Variants in ZXDC observed in about 807,000 individuals in gnomAD.
ZXDC encodes the protein zinc finger protein ZXDC.
ZXDC carries 58 observed loss-of-function variants against 63.6 expected under a neutral mutation model. The ratio of observed to expected loss-of-function variants is 0.91; its 90% confidence interval spans 0.74 to 1.13. The LOEUF (loss-of-function observed/expected upper bound fraction) is 1.13, where lower values mean the gene tolerates loss of function less well. Ranked by LOEUF, ZXDC falls within the 50% of genes most tolerant of loss-of-function variation. ZXDC has a pLI of 0.00. For synonymous variants in ZXDC, 561 were observed against 496.1 expected, an observed-to-expected ratio of 1.13 and a Z score of -1.74; for missense variants, 1,133 against 1,148.9, an observed-to-expected ratio of 0.99 and a Z score of 0.20.
chr3:126,442,563 G>A (rs1408883357), intron 7 of ZXDC: 1 of 152,218 alleles, frequency 6.6e-6, no homozygotes, highest in Admixed American at 6.5e-5. Context: ...GGCTCACCCT[G>A]ACCCGCCACC....
At chr3:126,467,990 C>T (rs1308040538) in intron 4 of ZXDC, among the ~76,000 whole-genome samples, 4 of 152,160 alleles carry the variant, frequency 2.6e-5, no homozygotes, top group Non-Finnish European at 5.9e-5. Context: ...GTATTTCCTG[C>T]GACAACCAGG....
Position 126,466,191 on chromosome 3 carries a change from T to G in ZXDC, c.1405A>C (p.Lys469Gln). Reference protein sequence around the residue: ...NRLFTSKHSMKAHMVRQHSRR... With the variant: ...NRLFTSKHSMQAHMVRQHSRR... The stretch of plus-strand genomic sequence containing the variant: ...CTGTGCTGTCTGACCATGTGCGCCT[T>G]CATGCTGTGCTTGGAGGTGAAGAGT... Residue 469 changes from lysine (K) to glutamine (Q), a missense_variant, in exon 5 of 10, where the codon AAG (lysine) becomes CAG (glutamine). Lys to Gln is a moderately conservative substitution (Grantham distance 53, BLOSUM62 1). Transcript: ENST00000389709. 1.2e-6 allele frequency: 2 copies of G among 1,614,214 alleles called. No homozygotes were observed. The highest frequency in any genetic ancestry group is 1.7e-6 in the Non-Finnish European group (2 of 1,180,036).
chr3:126,449,859 A>C (rs1373147747), intron 7 of ZXDC, among the ~76,000 whole-genome samples: 1 of 152,212 alleles, frequency 6.6e-6, no homozygotes, highest in African/African-American at 2.4e-5. Context: ...CATGCAGGAA[A>C]GCAGAGTAAG....
At chr3:126,452,835 C>G (rs1224088828) in intron 7 of ZXDC, among the ~76,000 whole-genome samples, 1 of 151,610 alleles carries the variant, frequency 6.6e-6, no homozygotes, top group Non-Finnish European at 1.5e-5. Flanking sequence ...ATCTCCTGGG[C>G]TCAAGCGATT....
chr3:126,473,507 G>A (rs1017861191), intron 1 of ZXDC, among the ~76,000 whole-genome samples: 23 of 152,312 alleles, frequency 1.5e-4, no homozygotes, highest in African/African-American at 4.1e-4. Context: ...ATGCCTGGAA[G>A]CAGGCGGGAT....
chr3:126,470,932 G>A lies in ZXDC; in HGVS notation c.1233C>T (p.Thr411=), dbSNP rs570479171. 2 of 1,614,194 alleles carry A rather than the reference G, an allele frequency of 1.2e-6. No homozygotes were observed. Among genetic ancestry groups the A allele is most frequent in the African/African-American group, 2.7e-5 (2 of 75,036 alleles). ...RAEHLKGHSI[T]HLGTKPFECP... ...ACTCGAACGGCTTTGTGCCTAGGTG[G>A]GTTATGCTGTGGCCTTTCAGATGCT... Residue 411 remains threonine (T), a synonymous_variant, in exon 4 of 10, where the codon ACC becomes ACT. Coordinates refer to ENST00000389709, the MANE Select transcript of ZXDC (RefSeq NM_025112.5).
intron 3 of ZXDC, among the ~76,000 whole-genome samples, chr3:126,471,760 T>A (rs959746113): frequency 1.3e-5 from 2 of 152,032 alleles, no homozygotes; most frequent in South Asian, 2.1e-4. Flanking sequence ...TTAGCTTTTT[T>A]TAAAAAAAGT....
chr3:126,470,960 G>A lies in ZXDC; in HGVS notation c.1205C>T (p.Ala402Val). The change falls in exon 4 of 10, where the codon GCA becomes GTA. Residue 402 changes from alanine (A) to valine (V), a missense_variant. Transcript: ENST00000389709. The stretch of plus-strand genomic sequence containing the variant: ...TATGCTGTGGCCTTTCAGATGCTCT[G>A]CTCTGGTGAATGATTTCCCACAGCC... ...VEGCGKSFTR[A>V]EHLKGHSITH... 1 of 1,614,208 alleles carries A rather than the reference G, an allele frequency of 6.2e-7. No homozygotes were observed. The highest frequency in any genetic ancestry group is 8.5e-7 in the Non-Finnish European group (1 of 1,180,044).
chr3:126,461,446 T>C (rs1434541365), intron 6 of ZXDC, 89 bp downstream of exon 6: 3 of 1,481,332 alleles, frequency 2.0e-6, no homozygotes, highest in Non-Finnish European at 2.7e-6. Flanking sequence ...CAGAAACGTC[T>C]GCATAGAAAG....
At position 126,461,682 on chromosome 3, in the gene ZXDC, C is replaced by T. The variant is rs1206017249; in HGVS notation, c.1980G>A (p.Lys660=). Reference sequence around the variant, plus strand: ...GGCGAGAAGGCGAGTCCGGCTCCACCTTGATTGGAGCCAGCAGTTCCGGGA... The same window carrying T: ...GGCGAGAAGGCGAGTCCGGCTCCACTTTGATTGGAGCCAGCAGTTCCGGGA... ...ASVPELLAPI[K]VEPDSPSRPG... Residue 660 remains lysine (K), a synonymous_variant, in exon 6 of 10, where the codon AAG becomes AAA. Coordinates refer to ENST00000389709, the MANE Select transcript of ZXDC (RefSeq NM_025112.5). 6.2e-7 allele frequency: 1 copy of T among 1,613,058 alleles called. No homozygotes were observed. The highest frequency in any genetic ancestry group is 8.5e-7 in the Non-Finnish European group (1 of 1,179,874).
At chr3:126,439,116 G>A (rs1484772148) in intron 9 of ZXDC, among the ~76,000 whole-genome samples, 1 of 152,172 alleles carries the variant, frequency 6.6e-6, no homozygotes, top group Non-Finnish European at 1.5e-5. Flanking sequence ...GATTGCGAGG[G>A]AAATGCTGAA....
intron 7 of ZXDC, among the ~76,000 whole-genome samples, chr3:126,455,294 A>G (rs1934263404): frequency 6.6e-6 from 1 of 152,240 alleles, no homozygotes; most frequent in Non-Finnish European, 1.5e-5. Context: ...AGTGGTATTA[A>G]TAATATATGT....
At chr3:126,458,685 G>A (rs1327107662) in intron 7 of ZXDC, 1 of 985,384 alleles carries the variant, frequency 1.0e-6, no homozygotes. Flanking sequence ...TTTTCTTCAA[G>A]ATTATCTACC....
intron 7 of ZXDC, among the ~76,000 whole-genome samples, chr3:126,458,058 C>G (rs1934379339): frequency 1.3e-5 from 2 of 152,180 alleles, no homozygotes; most frequent in Non-Finnish European, 1.5e-5. Context: ...ATGTATCAAC[C>G]AGTAGTGACA....
At position 126,459,416 on chromosome 3, in the gene ZXDC, G is replaced by A. The variant is rs548097500; in HGVS notation, c.2212+237C>T. 303 of 985,392 alleles carry A rather than the reference G, an allele frequency of 3.1e-4. No homozygotes were observed. The African/African-American group carries it at 4.2e-3, about 14-fold the overall frequency. 61.0% of individuals were successfully genotyped at this position (985,392 alleles called of 1,614,324 possible). A position where few individuals can be genotyped will look rare whatever the true frequency, so the allele number is the denominator to read the frequency against. Reference sequence around the variant, plus strand: ...AGGTAACTGACACTGGTGTTTGAACGCTTAACTTTCACAAAGCTTGTTTAG... The same window carrying A: ...AGGTAACTGACACTGGTGTTTGAACACTTAACTTTCACAAAGCTTGTTTAG... On this transcript the variant is annotated intron_variant, in intron 7 of 9. Coordinates refer to ENST00000389709, the MANE Select transcript of ZXDC (RefSeq NM_025112.5).
At position 126,438,385 on chromosome 3, in the gene ZXDC, T is replaced by A. The variant is rs1933543578; in HGVS notation, c.2567A>T (p.Asp856Val). Residue 856 changes from aspartate (D) to valine (V), a missense_variant, in exon 10 of 10, where the codon GAT (aspartate) becomes GTT (valine). Asp to Val is a radical substitution (Grantham distance 152). Transcript: ENST00000389709. Reference protein sequence around the residue: ...QFPGSTINLQDLQ With the variant: ...QFPGSTINLQVLQ ...AGGCCGAGGCTGCCGTCACTGCAGA[T>A]CCTGCAGGTTGATAGTGCTTCCTGG... The A allele has an allele frequency of 6.2e-7, 1 of 1,613,168 alleles. No homozygotes were observed. Among genetic ancestry groups the A allele is most frequent in the African/African-American group, 1.3e-5 (1 of 75,038 alleles).
chr3:126,441,120 CTG>C, intron 8 of ZXDC: 1 of 985,704 alleles, frequency 1.0e-6, no homozygotes, highest in Non-Finnish European at 1.2e-6. Flanking sequence ...GCCCCTCAAA[CTG>C]AGACTGAAGA....
chr3:126,463,710 G>C (rs906614675), intron 5 of ZXDC, among the ~76,000 whole-genome samples: 4 of 152,228 alleles, frequency 2.6e-5, no homozygotes, highest in South Asian at 2.1e-4. Flanking sequence ...ACCTGGCCCA[G>C]AGGAAAAGCT....
chr3:126,469,498 C>A (rs1319012748), intron 4 of ZXDC, among the ~76,000 whole-genome samples: 2 of 152,198 alleles, frequency 1.3e-5, no homozygotes, highest in Non-Finnish European at 2.9e-5. Flanking sequence ...GCTATTGATG[C>A]CCCTTTCTCT....
Sources: allele counts gnomAD v4.1 joint callset (sites outside exome capture counted in the v4.1 genomes callset), GRCh38; gene constraint gnomAD v4.1.1; transcripts MANE v1.5; gene names NCBI Gene and HGNC (gene_info 2026-07-23, HGNC 2026-07-21).